TRERF1: variants seen among roughly 807,000 people sequenced by gnomAD.
TRERF1 encodes the protein transcriptional regulating factor 1.
A neutral mutation model predicts 122.9 loss-of-function variants in TRERF1; 27 were observed. The ratio of observed to expected loss-of-function variants is 0.22; its 90% confidence interval spans 0.16 to 0.30. The LOEUF is 0.30. Ranked by LOEUF, TRERF1 falls within the 10% of genes least tolerant of loss-of-function variation. The pLI, the probability that TRERF1 is intolerant of heterozygous loss-of-function variation, is 1.00. For synonymous variants in TRERF1, 636 were observed against 641.7 expected (o/e 0.99, Z 0.13); for missense variants, 1,248 against 1,560.3 (o/e 0.80, Z 3.37).
Position 42,309,081 on chromosome 6 carries a change from C to T in TRERF1, c.-370-8332G>A, listed in dbSNP as rs777079543. ...TAGAGACTTTAACTCATTAGGTCTG[C>T]GCTGGGCCCAGGGACCTATTTTTTA... On this transcript the variant is annotated intron_variant, in intron 3 of 17. Transcript: ENST00000372922. 4.0e-4 allele frequency among the ~76,000 whole-genome samples: 61 copies of T among 152,038 alleles called. 1 individual carries two copies. Among genetic ancestry groups the T allele is most frequent in the Admixed American group, 2.5e-3 (38 of 15,268 alleles).
At chr6:42,408,050 T>C (rs187776154) in intron 2 of TRERF1, among the ~76,000 whole-genome samples, 1 of 152,002 alleles carries the variant, frequency 6.6e-6, no homozygotes, top group African/African-American at 2.4e-5. Context: ...CCAGGCTTCA[T>C]ACAAAATGAT....
At chr6:42,299,762 C>G (rs1785814889) in intron 4 of TRERF1, among the ~76,000 whole-genome samples, 1 of 152,198 alleles carries the variant, frequency 6.6e-6, no homozygotes, top group African/African-American at 2.4e-5. Flanking sequence ...ATTTCAAACT[C>G]TAAGGATCTA....
At chr6:42,422,043 C>T (rs12662464) in intron 2 of TRERF1, among the ~76,000 whole-genome samples, 31,378 of 151,122 alleles carry the variant, frequency 0.21, 3,671 homozygotes, top group African/African-American at 0.32. Flanking sequence ...TGGTGGCGTG[C>T]ACCTGTAGTC....
chr6:42,282,546 CCAAACAAACAAA>C (rs574008089), intron 4 of TRERF1, among the ~76,000 whole-genome samples: 4 of 151,588 alleles, frequency 2.6e-5, no homozygotes, highest in African/African-American at 9.7e-5. Context: ...AGACCCTGTC[CCAAACAAACAAA>C]CAAACAAACC....
At chr6:42,442,678 T>C (rs1290322793) in intron 2 of TRERF1, among the ~76,000 whole-genome samples, 4 of 152,248 alleles carry the variant, frequency 2.6e-5, no homozygotes, top group African/African-American at 7.2e-5. Context: ...GCCAAAAACA[T>C]GCTTAAATCA....
In TRERF1 at chr6:42,269,012, T is replaced by C. The variant is rs1306793646; in HGVS notation, c.579A>G (p.Pro193=). 6.2e-7 allele frequency: 1 copy of C among 1,613,818 alleles called. No homozygotes were observed. Among genetic ancestry groups the C allele is most frequent in the African/African-American group, 1.3e-5 (1 of 75,010 alleles). Residue 193 remains proline (P), a synonymous_variant, in exon 5 of 18, where the codon CCA becomes CCG. Coordinates refer to ENST00000372922, the Ensembl canonical transcript of TRERF1. The surrounding 1 kb of genome is among the most constrained non-coding windows in gnomAD (Gnocchi z 4.9). ...GGTAGCGGGAAGGGATAGCCGGTGC[T>C]GGGGGCTCCATGGGCTTCTGAGACA...
At chr6:42,237,604 T>C (rs1183196438) in intron 15 of TRERF1, among the ~76,000 whole-genome samples, 2 of 152,218 alleles carry the variant, frequency 1.3e-5, no homozygotes, top group Non-Finnish European at 2.9e-5. Flanking sequence ...GCATAACTCA[T>C]CACTTAATGC....
At position 42,430,024 on chromosome 6, in the gene TRERF1, C is replaced by T. The variant is rs772914700; in HGVS notation, c.-454+21153G>A. ...GGAAGAGCAACCCCAGCAGAGAGGA[C>T]GGCTGTGCAAAGGCCCTGAGGCAAG... On this transcript the variant is annotated intron_variant, in intron 2 of 17. Coordinates refer to ENST00000372922, the Ensembl canonical transcript of TRERF1. Among the ~76,000 whole-genome samples, 10 of 151,744 alleles carry T rather than the reference C, an allele frequency of 6.6e-5. 1 individual carries two copies. In the South Asian group the frequency reaches 8.3e-4, roughly 13 times the overall value.
At chr6:42,332,337 G>A (rs909725080) in intron 3 of TRERF1, among the ~76,000 whole-genome samples, 3 of 152,240 alleles carry the variant, frequency 2.0e-5, no homozygotes, top group Non-Finnish European at 2.9e-5. Flanking sequence ...GCCCAAGAAC[G>A]CGGTGCCCAC....
intron 3 of TRERF1, among the ~76,000 whole-genome samples, chr6:42,314,324 G>C (rs1244470493): frequency 6.6e-6 from 1 of 152,170 alleles, no homozygotes; most frequent in Non-Finnish European, 1.5e-5. Flanking sequence ...TAGAGTATGA[G>C]TCTACCCTGA....
At chr6:42,266,331 G>C (rs916337346) in intron 5 of TRERF1, among the ~76,000 whole-genome samples, 2 of 151,858 alleles carry the variant, frequency 1.3e-5, no homozygotes, top group Admixed American at 1.3e-4. Context: ...TGGGACTACA[G>C]GTGTGCGCCA....
At chr6:42,236,241 T>C (rs777734306) in exon 16 of TRERF1, 41 of 1,605,550 alleles carry the variant, frequency 2.6e-5, no homozygotes, top group Middle Eastern at 1.7e-4. Flanking sequence ...TGAAGGAGCC[T>C]GAGGGCTGGC....
At position 42,436,038 on chromosome 6, in the gene TRERF1, C is replaced by G. The variant is rs926995667; in HGVS notation, c.-454+15139G>C. Among the ~76,000 whole-genome samples, 8 of 152,020 alleles carry G rather than the reference C, an allele frequency of 5.3e-5. 1 individual carries two copies. In the South Asian group the frequency reaches 1.5e-3, roughly 28 times the overall value. On this transcript the variant is annotated intron_variant, in intron 2 of 17. Transcript: ENST00000372922. ...CCCAGTGCCCCGTACACAGTAGGCA[C>G]TCCATAAATATCTGTTGAACATAGA...
Position 42,268,641 on chromosome 6 carries a change from C to CGCTGCTGCAGCTGTA in TRERF1, c.935_949dup (p.Leu312_Gln316dup). The CGCTGCTGCAGCTGTA allele has an allele frequency of 1.9e-6, 3 of 1,614,122 alleles. No homozygotes were observed. The highest frequency in any genetic ancestry group is 2.2e-5 in the East Asian group (1 of 44,884). On this transcript the variant is annotated inframe_insertion, in exon 5 of 18. Transcript: ENST00000372922. The surrounding 1 kb of genome is among the most constrained non-coding windows in gnomAD (Gnocchi z 4.4). The stretch of plus-strand genomic sequence containing the variant: ...CTGAGGTATCTGCATTGAACCCTGC[C>CGCTGCTGCAGCTGTA]GCTGCTGCAGCTGTAGCTGCTGCGG...
In TRERF1 at chr6:42,259,749, C is replaced by G. The variant is rs201092375; in HGVS notation, c.1885-26G>C. On this transcript the variant is annotated intron_variant, in intron 8 of 17. Coordinates refer to ENST00000372922, the Ensembl canonical transcript of TRERF1. The surrounding 1 kb of genome is among the most constrained non-coding windows in gnomAD (Gnocchi z 4.9). ...CTAAAACCGGAACAACGATCTGATT[C>G]GAATACTTCAGCTTCCCCCGCAGGC... 8.1e-6 allele frequency: 13 copies of G among 1,599,476 alleles called. No individual in the cohort carries two copies. In the East Asian group the frequency reaches 2.9e-4, roughly 36 times the overall value.
intron 15 of TRERF1, among the ~76,000 whole-genome samples, chr6:42,238,844 C>CACAG (rs1772913976): frequency 2.1e-5 from 3 of 146,332 alleles, no homozygotes; most frequent in Non-Finnish European, 4.5e-5. Context: ...TTCACACACA[C>CACAG]ACACACACAC....
intron 2 of TRERF1, among the ~76,000 whole-genome samples, chr6:42,408,465 G>A (rs1177839434): frequency 7.1e-6 from 1 of 140,034 alleles, no homozygotes; most frequent in African/African-American, 2.7e-5. Context: ...TGCAACCTCT[G>A]CCTCCCGGGT....
At chr6:42,264,716 G>T (rs764286760) in exon 7 of TRERF1, 6 of 1,614,030 alleles carry the variant, frequency 3.7e-6, no homozygotes, top group Non-Finnish European at 5.1e-6. Flanking sequence ...GTTTGAGGTT[G>T]GGGGAGGCCC....
chr6:42,354,031 C>G (rs1267915743), intron 3 of TRERF1, among the ~76,000 whole-genome samples: 2 of 152,106 alleles, frequency 1.3e-5, no homozygotes, highest in Non-Finnish European at 2.9e-5. Flanking sequence ...AATATATGTA[C>G]CCATTACCAG....
Sources: gnomAD v4.1 joint callset for allele counts (sites outside exome capture counted in the v4.1 genomes callset) on GRCh38, gnomAD v4.1.1 for gene constraint, Gnocchi (gnomAD v3.1) non-coding constraint, MANE v1.5 for transcripts, NCBI Gene and HGNC (gene_info 2026-07-23, HGNC 2026-07-21) for gene names.